The following VAV3 variants were observed in gnomAD, a reference collection of about 807,000 sequenced individuals.
The protein encoded by VAV3 is guanine nucleotide exchange factor VAV3.
In VAV3, 94 loss-of-function variants were observed where a neutral mutation model predicts 131.2. The ratio of observed to expected loss-of-function variants is 0.72; its 90% confidence interval spans 0.61 to 0.85. The LOEUF is 0.85. Ranked by LOEUF, VAV3 falls within the 40% of genes least tolerant of loss-of-function variation. VAV3 has a pLI of 0.00. For synonymous variants in VAV3, 349 were observed against 342.0 expected (o/e 1.02, Z -0.22); for missense variants, 939 against 1,002.7 (o/e 0.94, Z 0.86).
At chr1:107,597,618 C>A (rs1651498393) in intron 24 of VAV3, among the ~76,000 whole-genome samples, 1 of 152,040 alleles carries the variant, frequency 6.6e-6, no homozygotes, top group Admixed American at 6.6e-5. Flanking sequence ...ATTACAATAG[C>A]CAGGAACCAG....
chr1:107,903,432 T>C (rs576895963), intron 1 of VAV3, among the ~76,000 whole-genome samples: 2 of 152,214 alleles, frequency 1.3e-5, no homozygotes, highest in Admixed American at 6.5e-5. Context: ...AAGCAGAAAG[T>C]AGAATGGAAT....
At chr1:107,655,441 C>G (rs1300743734) in intron 19 of VAV3, among the ~76,000 whole-genome samples, 6 of 151,934 alleles carry the variant, frequency 3.9e-5, no homozygotes. Context: ...AAATCTAGAC[C>G]CCTATATCTC....
chr1:107,718,293 T>C (rs1038542076), intron 15 of VAV3, among the ~76,000 whole-genome samples: 1 of 152,166 alleles, frequency 6.6e-6, no homozygotes, highest in African/African-American at 2.4e-5. Context: ...GACATGATTA[T>C]ATATTTAGAA....
At chr1:107,615,421 C>G (rs557021019) in intron 21 of VAV3, among the ~76,000 whole-genome samples, 1 of 152,204 alleles carries the variant, frequency 6.6e-6, no homozygotes, top group African/African-American at 2.4e-5. Flanking sequence ...AAGGTGAACC[C>G]CTTCCTTATA....
At chr1:107,773,477 C>T (rs1214302009) in intron 4 of VAV3, among the ~76,000 whole-genome samples, 1 of 152,182 alleles carries the variant, frequency 6.6e-6, no homozygotes, top group Non-Finnish European at 1.5e-5. Context: ...CTCTTTCAAG[C>T]CCATTCAGAG....
At chr1:107,790,677 TCC>T (rs1398667007) in intron 2 of VAV3, among the ~76,000 whole-genome samples, 1 of 134,800 alleles carries the variant, frequency 7.4e-6, no homozygotes, top group African/African-American at 2.7e-5. Flanking sequence ...TTAAATGTCT[TCC>T]TTTTTTTTTT....
At chr1:107,636,686 A>C (rs1428984552) in intron 20 of VAV3, among the ~76,000 whole-genome samples, 1 of 152,214 alleles carries the variant, frequency 6.6e-6, no homozygotes, top group Non-Finnish European at 1.5e-5. Context: ...GGGCCCTCCA[A>C]GTATAGTTTC....
chr1:107,677,739 G>A (rs1658309371), intron 19 of VAV3: 1 of 152,106 alleles, frequency 6.6e-6, no homozygotes, highest in African/African-American at 2.4e-5. Flanking sequence ...CAAACATTCT[G>A]TTATTTCAGT....
intron 1 of VAV3, among the ~76,000 whole-genome samples, chr1:107,920,095 C>T (rs1275770514): frequency 1.3e-5 from 2 of 152,138 alleles, no homozygotes; most frequent in Admixed American, 6.6e-5. Flanking sequence ...ATTTCAACCA[C>T]ACAGGAAACA....
chr1:107,843,941 T>A (rs761003203), intron 2 of VAV3, among the ~76,000 whole-genome samples: 10 of 152,082 alleles, frequency 6.6e-5, no homozygotes, highest in Non-Finnish European at 1.5e-4. Context: ...TGAGAAGTAT[T>A]CATGATGAAA....
At chr1:107,950,503 C>G (rs1037974727) in intron 1 of VAV3, among the ~76,000 whole-genome samples, 2 of 152,054 alleles carry the variant, frequency 1.3e-5, no homozygotes, top group African/African-American at 4.8e-5. Context: ...AGGGGAATGA[C>G]AGAAAGCCAA....
chr1:107,942,184 A>G (rs1169217839), intron 1 of VAV3, among the ~76,000 whole-genome samples: 3 of 152,174 alleles, frequency 2.0e-5, no homozygotes, highest in African/African-American at 7.2e-5. Context: ...ACTTTTCTGT[A>G]ACCACTTGAT....
intron 1 of VAV3, among the ~76,000 whole-genome samples, chr1:107,900,495 T>C (rs1206646891): frequency 6.6e-6 from 1 of 152,190 alleles, no homozygotes; most frequent in Admixed American, 6.5e-5. Context: ...TTACACCTTA[T>C]AAAGTCTAGA....
chr1:107,713,049 T>A (rs1482506383), intron 15 of VAV3, among the ~76,000 whole-genome samples: 1 of 152,190 alleles, frequency 6.6e-6, no homozygotes, highest in African/African-American at 2.4e-5. Context: ...CACATTTTTA[T>A]AACAATATAA....
chr1:107,878,699 T>C (rs1321430835), intron 1 of VAV3, among the ~76,000 whole-genome samples: 2 of 152,200 alleles, frequency 1.3e-5, no homozygotes, highest in Non-Finnish European at 2.9e-5. Flanking sequence ...CCATCATTAC[T>C]GAGGCTAAAC....
At chr1:107,598,338 A>G (rs989328415) in intron 24 of VAV3, among the ~76,000 whole-genome samples, 1 of 152,028 alleles carries the variant, frequency 6.6e-6, no homozygotes, top group African/African-American at 2.4e-5. Context: ...CCTGGGCAAC[A>G]AGAACGAAAC....
intron 25 of VAV3, among the ~76,000 whole-genome samples, chr1:107,586,609 G>C (rs1002723929): frequency 6.6e-6 from 1 of 152,112 alleles, no homozygotes; most frequent in Non-Finnish European, 1.5e-5. Context: ...ATCTATCAGA[G>C]GGTGGTGAAG....
intron 1 of VAV3, among the ~76,000 whole-genome samples, chr1:107,941,688 G>A (rs1181280527): frequency 2.0e-5 from 3 of 152,112 alleles, no homozygotes; most frequent in Non-Finnish European, 4.4e-5. Context: ...GAAAACTTCA[G>A]AGGCTCCTCC....
At chr1:107,723,970 T>C (rs948797963) in intron 15 of VAV3, among the ~76,000 whole-genome samples, 1 of 152,180 alleles carries the variant, frequency 6.6e-6, no homozygotes, top group Non-Finnish European at 1.5e-5. Context: ...TCCATTTTTT[T>C]CATTTCTAAA....
Sources: allele counts gnomAD v4.1 joint callset (sites outside exome capture counted in the v4.1 genomes callset), GRCh38; gene constraint gnomAD v4.1.1; transcripts MANE v1.5; gene names NCBI Gene and HGNC (gene_info 2026-07-23, HGNC 2026-07-21).